The following RUFY3 variants were observed in gnomAD, a reference collection of about 807,000 sequenced individuals.
The protein encoded by RUFY3 is protein RUFY3.
RUFY3 carries 34 observed loss-of-function variants against 84.0 expected under a neutral mutation model. That is an observed-to-expected ratio of 0.40 (90% CI 0.31 to 0.54). The LOEUF (loss-of-function observed/expected upper bound fraction) is 0.54. Among genes scored for constraint, RUFY3 ranks in the 20% least tolerant of loss-of-function variants. The pLI is 0.39. For missense variants in RUFY3, 507 were observed against 736.8 expected, an observed-to-expected ratio of 0.69 and a Z score of 3.61; for synonymous variants, 242 against 252.9, an observed-to-expected ratio of 0.96 and a Z score of 0.41.
intron 12 of RUFY3, 122 bp downstream of exon 12, chr4:70,789,714 T>C: frequency 7.3e-7 from 1 of 1,378,676 alleles, no homozygotes. Context: ...TCAGACATTC[T>C]GGTAGAAAAA....
intron 4 of RUFY3, among the ~76,000 whole-genome samples, chr4:70,768,113 G>A (rs890914983): frequency 1.3e-5 from 2 of 152,250 alleles, no homozygotes; most frequent in South Asian, 2.1e-4. Context: ...GGGATTACAG[G>A]TGCGAACCAC....
intron 1 of RUFY3, chr4:70,734,328 T>A (rs1017183020): frequency 3.6e-6 from 3 of 832,518 alleles, no homozygotes; most frequent in Non-Finnish European, 4.3e-6. Flanking sequence ...TTGCTTTCAC[T>A]GTGGCACACC....
chr4:70,787,185 AAAATATAT>A (rs1490344077), intron 10 of RUFY3, among the ~76,000 whole-genome samples: 2,328 of 118,648 alleles, frequency 0.02, 7 homozygotes, highest in Middle Eastern at 0.037. Flanking sequence ...AAAAAAAAAA[AAAATATAT>A]ATATATATAT....
exon 1 of RUFY3, chr4:70,705,132 T>C (rs1293408937): frequency 6.9e-7 from 1 of 1,443,448 alleles, no homozygotes; most frequent in Admixed American, 2.6e-5. Context: ...CGCCCCCTTC[T>C]TCCTGCTGTA....
At chr4:70,760,382 T>G (rs909820887) in intron 1 of RUFY3, among the ~76,000 whole-genome samples, 2 of 152,192 alleles carry the variant, frequency 1.3e-5, no homozygotes, top group Non-Finnish European at 2.9e-5. Context: ...TTGTTTAATC[T>G]TGTTATAAGT....
rs374354630 is a variant in RUFY3 at position 70,784,776 on chromosome 4, A to G, written c.988-20A>G. ...TAGATTAAATCCTTAAATATGTACA[A>G]TGTTATTTATCTTTTCAAGGGTCCC... On this transcript the variant is annotated intron_variant, in intron 9 of 17. Transcript: ENST00000381006. The G allele has an allele frequency of 3.2e-6, 5 of 1,550,562 alleles. No homozygotes were observed. The highest frequency in any genetic ancestry group is 2.3e-5 in the East Asian group (1 of 42,652).
At chr4:70,723,009 T>C (rs1164300108) in intron 1 of RUFY3, among the ~76,000 whole-genome samples, 1 of 152,200 alleles carries the variant, frequency 6.6e-6, no homozygotes, top group Non-Finnish European at 1.5e-5. Context: ...AGCCTCTAAA[T>C]AAAACATTTG....
intron 1 of RUFY3, among the ~76,000 whole-genome samples, chr4:70,731,619 G>A (rs1009394680): frequency 6.6e-6 from 1 of 152,106 alleles, no homozygotes; most frequent in Non-Finnish European, 1.5e-5. Context: ...CCAGTCTGGA[G>A]TGCAGTGGCG....
At chr4:70,797,219 A>G (rs1731637328) in intron 14 of RUFY3, among the ~76,000 whole-genome samples, 1 of 152,154 alleles carries the variant, frequency 6.6e-6, no homozygotes, top group Non-Finnish European at 1.5e-5. Context: ...CTAGGATGAC[A>G]GGCATGAGCC....
In RUFY3 at chr4:70,742,031, A is replaced by G. The variant is rs530576540; in HGVS notation, c.178+19280A>G. Reference sequence around the variant, plus strand: ...GTGAATTTCACAGCAGCCAAAAGCAAACAGATCCCAGGAATCTAGTGGTTG... The same window carrying G: ...GTGAATTTCACAGCAGCCAAAAGCAGACAGATCCCAGGAATCTAGTGGTTG... On this transcript the variant is annotated intron_variant, in intron 1 of 17. Transcript: ENST00000381006. Among the ~76,000 whole-genome samples, 138 of 152,352 alleles carry G rather than the reference A, an allele frequency of 9.1e-4. 1 individual carries two copies. The highest frequency in any genetic ancestry group is 6.8e-3 in the Middle Eastern group (2 of 294).
At chr4:70,750,815 G>A (rs1486276308) in intron 1 of RUFY3, among the ~76,000 whole-genome samples, 2 of 151,884 alleles carry the variant, frequency 1.3e-5, no homozygotes, top group Non-Finnish European at 2.9e-5. Context: ...CCTATTCTGG[G>A]CATTTTATAT....
At chr4:70,716,794 A>C (rs901463043) in intron 1 of RUFY3, among the ~76,000 whole-genome samples, 5 of 151,142 alleles carry the variant, frequency 3.3e-5, no homozygotes, top group Admixed American at 3.3e-4. Context: ...GCAGTGAGCC[A>C]AGATCATGCC....
At chr4:70,801,278 G>C (rs1263867233) in intron 15 of RUFY3, among the ~76,000 whole-genome samples, 1 of 151,804 alleles carries the variant, frequency 6.6e-6, no homozygotes, top group Non-Finnish European at 1.5e-5. Context: ...CTATGATGGT[G>C]GATACATGTC....
intron 1 of RUFY3, among the ~76,000 whole-genome samples, chr4:70,725,491 C>T (rs1301737061): frequency 6.6e-6 from 1 of 152,058 alleles, no homozygotes; most frequent in African/African-American, 2.4e-5. Flanking sequence ...CCACCACACC[C>T]AGCTAATTTT....
intron 1 of RUFY3, among the ~76,000 whole-genome samples, chr4:70,708,766 C>G (rs953320038): frequency 6.6e-6 from 1 of 152,098 alleles, no homozygotes; most frequent in Non-Finnish European, 1.5e-5. Flanking sequence ...ATGTGTGAGA[C>G]TGGAACGGTG....
At chr4:70,707,885 C>T (rs1740521237) in intron 1 of RUFY3, among the ~76,000 whole-genome samples, 1 of 152,162 alleles carries the variant, frequency 6.6e-6, no homozygotes, top group African/African-American at 2.4e-5. Context: ...CCTTGTTACC[C>T]TGCAGAGTCA....
chr4:70,740,570 T>G (rs757061296), intron 1 of RUFY3, among the ~76,000 whole-genome samples: 9 of 152,214 alleles, frequency 5.9e-5, no homozygotes, highest in Admixed American at 1.3e-4. Flanking sequence ...GAATATTCCC[T>G]CTATTGACTT....
chr4:70,721,766 TAAG>T (rs974950175), upstream of RUFY3: 2 of 722,914 alleles, frequency 2.8e-6, no homozygotes, highest in African/African-American at 1.9e-5. Flanking sequence ...GATCCCAAAG[TAAG>T]AAGAATTGAT....
At chr4:70,769,168 G>A (rs1430809020) in intron 5 of RUFY3, among the ~76,000 whole-genome samples, 2 of 152,082 alleles carry the variant, frequency 1.3e-5, no homozygotes, top group Non-Finnish European at 2.9e-5. Flanking sequence ...GCAACATAGT[G>A]AGACCCCGTC....
Sources: allele counts gnomAD v4.1 joint callset (sites outside exome capture counted in the v4.1 genomes callset), GRCh38; gene constraint gnomAD v4.1.1; transcripts MANE v1.5; gene names NCBI Gene and HGNC (gene_info 2026-07-23, HGNC 2026-07-21).